Variants in DGKI observed in about 807,000 individuals in gnomAD.
The protein encoded by DGKI is DAG kinase iota.
Under a neutral mutation model 147.5 loss-of-function variants are expected in DGKI, and 55 were observed. The ratio of observed to expected loss-of-function variants is 0.37; its 90% confidence interval spans 0.30 to 0.47. The LOEUF (loss-of-function observed/expected upper bound fraction) is 0.47, where lower values mean the gene tolerates loss of function less well. Ranked by LOEUF, DGKI falls within the 20% of genes least tolerant of loss-of-function variation. DGKI has a pLI of 1.00. For synonymous variants in DGKI, 469 were observed against 477.1 expected, an observed-to-expected ratio of 0.98 and a Z score of 0.22; for missense variants, 1,007 against 1,323.8, an observed-to-expected ratio of 0.76 and a Z score of 3.71.
At chr7:137,723,696 TCC>T (rs1794632767) in intron 1 of DGKI, among the ~76,000 whole-genome samples, 1 of 142,866 alleles carries the variant, frequency 7.0e-6, no homozygotes, top group Non-Finnish European at 1.5e-5. Context: ...TATCATGATA[TCC>T]CTTTTTTTTT....
At chr7:137,519,218 C>A (rs995711622) in intron 21 of DGKI, among the ~76,000 whole-genome samples, 7 of 152,192 alleles carry the variant, frequency 4.6e-5, no homozygotes, top group South Asian at 2.1e-4. Context: ...AGTCCTCTTT[C>A]TCTGTGCTAA....
At chr7:137,748,933 G>A (rs1046742873) in intron 1 of DGKI, among the ~76,000 whole-genome samples, 1 of 152,156 alleles carries the variant, frequency 6.6e-6, no homozygotes, top group Admixed American at 6.5e-5. Context: ...AAGAGATAAT[G>A]ATAAAAACTG....
chr7:137,552,730 G>C (rs552473035), intron 19 of DGKI, among the ~76,000 whole-genome samples, 162 bp from the exon 20 acceptor site: 2 of 148,326 alleles, frequency 1.3e-5, no homozygotes, highest in East Asian at 4.0e-4. Context: ...CCAACATGGC[G>C]AGACCCGGTC....
intron 28 of DGKI, among the ~76,000 whole-genome samples, chr7:137,428,642 T>C (rs62487735): frequency 0.3 from 45,789 of 151,276 alleles, 8,245 homozygotes; most frequent in East Asian, 0.65. Context: ...TGATTGTATA[T>C]CTAGAAAACC....
At chr7:137,619,742 G>A in intron 8 of DGKI, 82 bp downstream of exon 8, 1 of 1,052,090 alleles carries the variant, frequency 9.5e-7, no homozygotes, top group Non-Finnish European at 1.5e-6. Context: ...GGAACCCAAA[G>A]ACTAGTCTGG....
intron 6 of DGKI, among the ~76,000 whole-genome samples, chr7:137,643,286 G>A (rs1356991478): frequency 2.5e-4 from 18 of 72,520 alleles, no homozygotes; most frequent in Admixed American, 4.7e-4. Context: ...GCGAGACTCC[G>A]TCTCAAAAAA....
At position 137,477,868 on chromosome 7, in the gene DGKI, C is replaced by T. The variant is rs184063529; in HGVS notation, c.2373+7506G>A. ...TACAGACGGGGTTTCACCATGTTAC[C>T]CAGACTGGTCTCAAACTGCTGGGCT... On this transcript the variant is annotated intron_variant, in intron 23 of 32. Coordinates refer to ENST00000614521, the MANE Select transcript of DGKI (RefSeq NM_001321708.2). Among the ~76,000 whole-genome samples, 593 of 152,156 alleles carry T rather than the reference C, an allele frequency of 3.9e-3. 3 individuals are homozygous for T. Among genetic ancestry groups the T allele is most frequent in the Non-Finnish European group, 7.3e-3 (498 of 67,980 alleles).
chr7:137,745,365 C>T (rs1795294119), intron 1 of DGKI, among the ~76,000 whole-genome samples: 1 of 152,330 alleles, frequency 6.6e-6, no homozygotes, highest in African/African-American at 2.4e-5. Flanking sequence ...AGTAGTCCCC[C>T]CTTATTCAGA....
chr7:137,829,113 CT>C (rs1798147496), intron 1 of DGKI, among the ~76,000 whole-genome samples: 1 of 152,212 alleles, frequency 6.6e-6, no homozygotes, highest in East Asian at 1.9e-4. Flanking sequence ...CACCCAAAAG[CT>C]ATAGAACACA....
At chr7:137,832,997 T>C (rs1167018363) in intron 1 of DGKI, among the ~76,000 whole-genome samples, 1 of 152,192 alleles carries the variant, frequency 6.6e-6, no homozygotes, top group Non-Finnish European at 1.5e-5. Flanking sequence ...TTCCAACAAG[T>C]TCCTTGTCTC....
rs558903244 is a variant in DGKI, at chr7:137,713,943, T to C, written c.402-23941A>G. On this transcript the variant is annotated intron_variant, in intron 1 of 32. Coordinates refer to ENST00000614521, the MANE Select transcript of DGKI (RefSeq NM_001321708.2). ...GCATGAGCCACTGTGCCTGGCCACT[T>C]GCCCAATTTTGAATGGGGATATTTT... Among the ~76,000 whole-genome samples the C allele has an allele frequency of 7.2e-5, 11 of 152,358 alleles. No homozygotes were observed. In the South Asian group the frequency reaches 1.4e-3, roughly 20 times the overall value.
At chr7:137,844,863 G>A (rs1325613759) in intron 1 of DGKI, among the ~76,000 whole-genome samples, 2 of 152,104 alleles carry the variant, frequency 1.3e-5, no homozygotes, top group Admixed American at 1.3e-4. Context: ...AATAAGCCAG[G>A]AGCAGCCTAC....
At position 137,722,305 on chromosome 7, in the gene DGKI, G is replaced by A. The variant is rs180959981; in HGVS notation, c.402-32303C>T. The stretch of plus-strand genomic sequence containing the variant: ...TGACAAGAACGGCAGTACCCGGGTG[G>A]TTAAACTTCGCAAAATGCCTAGATA... On this transcript the variant is annotated intron_variant, in intron 1 of 32. Transcript: ENST00000614521. 31 of 1,612,666 alleles carry A rather than the reference G, an allele frequency of 1.9e-5. 1 individual carries two copies. In the African/African-American group the frequency reaches 2.4e-4, roughly 12 times the overall value.
chr7:137,804,363 G>A (rs554064243), intron 1 of DGKI, among the ~76,000 whole-genome samples: 64 of 152,264 alleles, frequency 4.2e-4, no homozygotes, highest in Non-Finnish European at 9.0e-4. Context: ...TATAAATATA[G>A]GCTAGTTTTC....
chr7:137,811,380 T>A (rs1797570297), intron 1 of DGKI, among the ~76,000 whole-genome samples: 1 of 103,968 alleles, frequency 9.6e-6, no homozygotes, highest in Non-Finnish European at 2.2e-5. Context: ...TCTCTCTCTC[T>A]CTCTCACACA....
chr7:137,712,134 A>C (rs908989747), intron 1 of DGKI, among the ~76,000 whole-genome samples: 1 of 152,202 alleles, frequency 6.6e-6, no homozygotes, highest in African/African-American at 2.4e-5. Flanking sequence ...TGTTAATAAA[A>C]AGCAAGGGAA....
At chr7:137,657,872 G>A (rs1325579476) in intron 3 of DGKI, among the ~76,000 whole-genome samples, 1 of 152,136 alleles carries the variant, frequency 6.6e-6, no homozygotes, top group Non-Finnish European at 1.5e-5. Flanking sequence ...CATAGGTCTT[G>A]GACAGCTGCA....
In DGKI at chr7:137,654,761, G is replaced by T; in HGVS notation, c.709C>A (p.Arg237=). ...KINFRCKPTF[R]EGGSRSPREN... ...CTTGGTGACCTTGAGCCTCCTTCTCGAAATGTTGGTTTACATCTGAAATTA... is the reference window on the plus strand; with the variant it reads ...CTTGGTGACCTTGAGCCTCCTTCTCTAAATGTTGGTTTACATCTGAAATTA... The change falls in exon 5 of 33, where the codon CGA becomes AGA. Residue 237 remains arginine (R), a synonymous_variant. Transcript: ENST00000614521. The T allele has an allele frequency of 6.2e-7, 1 of 1,607,642 alleles. No individual in the cohort carries two copies.
chr7:137,527,906 T>C (rs1585201027), intron 20 of DGKI, among the ~76,000 whole-genome samples: 2 of 152,322 alleles, frequency 1.3e-5, no homozygotes, highest in Admixed American at 6.5e-5. Context: ...GTTTTATAAA[T>C]AGAGTTTTAT....
Sources: allele counts gnomAD v4.1 joint callset (sites outside exome capture counted in the v4.1 genomes callset), GRCh38; gene constraint gnomAD v4.1.1; transcripts MANE v1.5; gene names NCBI Gene and HGNC (gene_info 2026-07-23, HGNC 2026-07-21).